The following RAB5A variants were observed in gnomAD, a reference collection of about 807,000 sequenced individuals.
RAB5A encodes ras-related protein Rab-5A.
Under a neutral mutation model 25.7 loss-of-function variants are expected in RAB5A, and 8 were observed. The observed-to-expected ratio is 0.31, with a 90% CI of 0.18 to 0.56. The LOEUF (loss-of-function observed/expected upper bound fraction) is 0.56, where lower values mean the gene tolerates loss of function less well. Ranked by LOEUF, RAB5A falls within the 20% of genes least tolerant of loss-of-function variation. The pLI is 0.91. For synonymous variants in RAB5A, 98 were observed against 89.8 expected (o/e 1.09, Z -0.52); for missense variants, 192 against 259.7 (o/e 0.74, Z 1.79).
rs1026689014 is a variant in RAB5A at position 19,947,099 on chromosome 3, T to C, written c.-516T>C. 5.1e-5 allele frequency: 8 copies of C among 156,348 alleles called. No homozygotes were observed. Among genetic ancestry groups the C allele is most frequent in the African/African-American group, 1.4e-4 (6 of 41,444 alleles). The allele number at this position is 156,348 out of a possible 1,614,324, so 9.7% of individuals were successfully genotyped here. A position where few individuals can be genotyped will look rare whatever the true frequency, so the allele number is the denominator to read the frequency against. On this transcript the variant is annotated 5_prime_UTR_variant, in exon 1 of 6. Coordinates refer to ENST00000273047, the MANE Select transcript of RAB5A (RefSeq NM_004162.5). ...GATGGGAAGTGACGAAGTGGCGCAG[T>C]TCGCTGCGTGCAGCGACGTGGCGGC...
intron 2 of RAB5A, among the ~76,000 whole-genome samples, chr3:19,960,967 C>A (rs1378533684): frequency 6.6e-6 from 1 of 152,168 alleles, no homozygotes; most frequent in East Asian, 1.9e-4. Context: ...AGTCAAAAAA[C>A]TGTTCTTTAT....
intron 2 of RAB5A, among the ~76,000 whole-genome samples, chr3:19,954,754 G>A (rs1382009066): frequency 6.6e-6 from 1 of 152,064 alleles, no homozygotes; most frequent in Non-Finnish European, 1.5e-5. Context: ...AGAGGCGGAG[G>A]TTACAGTGAG....
Position 19,967,583 on chromosome 3 carries a change from A to G in RAB5A, c.164-8018A>G, listed in dbSNP as rs1228044190. Among the ~76,000 whole-genome samples, 3 of 152,112 alleles carry G rather than the reference A, an allele frequency of 2.0e-5. No individual in the cohort carries two copies. In the East Asian group the frequency reaches 5.8e-4, roughly 29 times the overall value. The stretch of plus-strand genomic sequence containing the variant: ...AATTGTAGATAAACTAGTATAGATC[A>G]CCTCTTAAGATGGATTAATTTGGGG... On this transcript the variant is annotated intron_variant, in intron 2 of 5. Coordinates refer to ENST00000273047, the MANE Select transcript of RAB5A (RefSeq NM_004162.5).
chr3:19,980,872 C>A (rs1032234292), intron 5 of RAB5A, among the ~76,000 whole-genome samples: 5 of 152,166 alleles, frequency 3.3e-5, no homozygotes, highest in African/African-American at 1.2e-4. Context: ...AATCCATTGC[C>A]CAACCCAGCA....
At chr3:19,982,676 C>T (rs895009418) in intron 5 of RAB5A, among the ~76,000 whole-genome samples, 6 of 151,750 alleles carry the variant, frequency 4.0e-5, no homozygotes, top group African/African-American at 1.2e-4. Flanking sequence ...AAGTGAGACC[C>T]CATCTCACTT....
intron 2 of RAB5A, among the ~76,000 whole-genome samples, chr3:19,956,245 G>T (rs1466519744): frequency 6.6e-6 from 1 of 152,102 alleles, no homozygotes; most frequent in Non-Finnish European, 1.5e-5. Context: ...CCAGCACACT[G>T]GCAGATCACG....
At chr3:19,960,580 C>T (rs1033994743) in intron 2 of RAB5A, among the ~76,000 whole-genome samples, 8 of 152,204 alleles carry the variant, frequency 5.3e-5, no homozygotes, top group South Asian at 2.1e-4. Context: ...GGAATACAGG[C>T]GTAAGCCACT....
intron 4 of RAB5A, among the ~76,000 whole-genome samples, chr3:19,976,669 G>A (rs992466713): frequency 6.6e-6 from 1 of 152,170 alleles, no homozygotes; most frequent in Non-Finnish European, 1.5e-5. Flanking sequence ...TGGGCAACAA[G>A]AGCAAAACTC....
intron 2 of RAB5A, among the ~76,000 whole-genome samples, chr3:19,974,661 T>TA (rs1696796615): frequency 6.7e-6 from 1 of 149,176 alleles, no homozygotes; most frequent in South Asian, 2.1e-4. Flanking sequence ...GGCTCACGCC[T>TA]ATAATCTCAG....
chr3:19,961,411 G>A (rs1436232199), intron 2 of RAB5A, among the ~76,000 whole-genome samples: 1 of 151,554 alleles, frequency 6.6e-6, no homozygotes, highest in Non-Finnish European at 1.5e-5. Flanking sequence ...TAGAAAATTT[G>A]GCTCATAGTT....
intron 2 of RAB5A, among the ~76,000 whole-genome samples, chr3:19,961,174 C>T (rs550517534): frequency 3.9e-5 from 6 of 152,258 alleles, no homozygotes; most frequent in African/African-American, 1.4e-4. Flanking sequence ...TGATACATTC[C>T]TAGAACTTAA....
chr3:19,967,848 G>A (rs1261530190), intron 2 of RAB5A, among the ~76,000 whole-genome samples: 3 of 152,038 alleles, frequency 2.0e-5, no homozygotes, highest in African/African-American at 7.2e-5. Flanking sequence ...TGTCGCTTCT[G>A]CAGTCCATTC....
Position 19,951,424 on chromosome 3 carries a change from A to G in RAB5A, c.163+363A>G, listed in dbSNP as rs191346037. Reference sequence around the variant, plus strand: ...GCTCAATTATATTGGTTTAAAATGAATAGTAAAAAAGGTAACCTTAAATTC... The same window carrying G: ...GCTCAATTATATTGGTTTAAAATGAGTAGTAAAAAAGGTAACCTTAAATTC... On this transcript the variant is annotated intron_variant, in intron 2 of 5. Coordinates refer to ENST00000273047, the MANE Select transcript of RAB5A (RefSeq NM_004162.5). Among the ~76,000 whole-genome samples the G allele has an allele frequency of 6.8e-4, 104 of 152,370 alleles. 1 individual carries two copies. The South Asian group carries it at 7.0e-3, about 10-fold the overall frequency.
chr3:19,958,541 C>G (rs1349675678), intron 2 of RAB5A, among the ~76,000 whole-genome samples: 1 of 152,142 alleles, frequency 6.6e-6, no homozygotes, highest in Non-Finnish European at 1.5e-5. Flanking sequence ...GAGTATTGAA[C>G]TCTAGGTAAG....
At chr3:19,963,741 C>A (rs1282019845) in intron 2 of RAB5A, among the ~76,000 whole-genome samples, 2 of 152,068 alleles carry the variant, frequency 1.3e-5, no homozygotes, top group Non-Finnish European at 2.9e-5. Flanking sequence ...ACCCCCTGGG[C>A]TCAAATGATC....
In RAB5A at chr3:19,947,293, G is replaced by GAGA. The variant is rs1198909778; in HGVS notation, c.-320_-318dup. 22 of 211,754 alleles carry GAGA rather than the reference G, an allele frequency of 1.0e-4. No individual in the cohort carries two copies. The highest frequency in any genetic ancestry group is 1.7e-4 in the Non-Finnish European group (19 of 110,618). The allele number at this position is 211,754 out of a possible 1,614,324, so 13.1% of individuals were successfully genotyped here. ...GGCGGCGGCGGCGGCGGCGGAGGAGGAGAAAGGAAAGAGGAAGGGGGAGCG... is the reference window on the plus strand; with the variant it reads ...GGCGGCGGCGGCGGCGGCGGAGGAGGAGAAGAAAGGAAAGAGGAAGGGGGAGCG... On this transcript the variant is annotated 5_prime_UTR_variant, in exon 1 of 6. Transcript: ENST00000273047.
At chr3:19,969,030 GGT>G (rs1559490061) in intron 2 of RAB5A, among the ~76,000 whole-genome samples, 1 of 112,150 alleles carries the variant, frequency 8.9e-6, no homozygotes, top group Non-Finnish European at 1.7e-5. Context: ...TTTTGGTTTT[GGT>G]TTTTTTTTTT....
intron 2 of RAB5A, among the ~76,000 whole-genome samples, chr3:19,959,695 A>T (rs1696558343): frequency 6.9e-6 from 1 of 145,188 alleles, no homozygotes; most frequent in South Asian, 2.1e-4. Flanking sequence ...TGATGTGATC[A>T]TGGCTCTCTG....
intron 2 of RAB5A, chr3:19,970,672 A>T (rs1696737167): frequency 4.3e-5 from 19 of 441,878 alleles, no homozygotes; most frequent in South Asian, 2.9e-4. Flanking sequence ...GTTCTTAGCC[A>T]GAAAATAGAC....
Sources: gnomAD v4.1 joint callset for allele counts (sites outside exome capture counted in the v4.1 genomes callset) on GRCh38, gnomAD v4.1.1 for gene constraint, MANE v1.5 for transcripts, NCBI Gene and HGNC (gene_info 2026-07-23, HGNC 2026-07-21) for gene names.